Variants in PCNX1 observed in about 807,000 individuals in gnomAD.
PCNX1 encodes pecanex-like protein 1.
Under a neutral mutation model 242.2 loss-of-function variants are expected in PCNX1, and 78 were observed. The ratio of observed to expected loss-of-function variants is 0.32; its 90% CI spans 0.27 to 0.39. PCNX1 has a LOEUF of 0.39. Ranked by LOEUF, PCNX1 falls within the 10% of genes least tolerant of loss-of-function variation. The probability of loss-of-function intolerance (pLI) is 1.00; values close to 1 mark genes in which losing one functional copy is unlikely to be tolerated. For synonymous variants in PCNX1, 1,024 were observed against 1,032.9 expected (o/e 0.99, Z 0.17); for missense variants, 2,581 against 2,856.5 (o/e 0.90, Z 2.20).
In PCNX1 at chr14:71,110,183, A is replaced by G. The variant is rs2062728666; in HGVS notation, c.*248A>G. ...GCCGAGAAAACATTTTGCATGAAGG[A>G]TAAAGTTCTGTTAAAATACATCCTT... On this transcript the variant is annotated 3_prime_UTR_variant, in exon 36 of 36. Coordinates refer to ENST00000304743, the MANE Select transcript of PCNX1 (RefSeq NM_014982.3). 2 of 533,252 alleles carry G rather than the reference A, an allele frequency of 3.8e-6. No individual in the cohort carries two copies. Among genetic ancestry groups the G allele is most frequent in the South Asian group, 3.9e-5 (2 of 51,498 alleles). 33.0% of individuals were successfully genotyped at this position (533,252 alleles called of 1,614,324 possible).
intron 28 of PCNX1, 35 bp downstream of exon 28, chr14:71,076,454 A>T (rs2061721280): frequency 1.4e-6 from 2 of 1,394,570 alleles, no homozygotes; most frequent in South Asian, 2.3e-5. Flanking sequence ...CTTTGAATCC[A>T]GGTTTTTCCA....
At position 71,102,163 on chromosome 14, in the gene PCNX1, C is replaced by A. The variant is rs1184993291; in HGVS notation, c.5763C>A (p.Thr1921=). Residue 1921 remains threonine (T), a synonymous_variant, in exon 31 of 36, where the codon ACC becomes ACA. Transcript: ENST00000304743. ...LALRHVMDDG[T]NEYKIIMLNR... ...TGCGGCATGTCATGGATGATGGCAC[C>A]AATGAATATAAAATCATCATGCTCA... 6.2e-7 allele frequency: 1 copy of A among 1,613,900 alleles called. No individual in the cohort carries two copies. The highest frequency in any genetic ancestry group is 1.3e-5 in the African/African-American group (1 of 74,888).
At chr14:70,972,509 A>C (rs2058570444) in intron 5 of PCNX1, among the ~76,000 whole-genome samples, 1 of 152,144 alleles carries the variant, frequency 6.6e-6, no homozygotes, top group Non-Finnish European at 1.5e-5. Flanking sequence ...CTTGGGGTTT[A>C]TGTGGCCTTT....
chr14:71,057,906 C>T (rs2061226421), intron 26 of PCNX1, among the ~76,000 whole-genome samples, 182 bp downstream of exon 26: 1 of 152,128 alleles, frequency 6.6e-6, no homozygotes, highest in African/African-American at 2.4e-5. Flanking sequence ...CAAGAAGAAT[C>T]ATGTTTGCAA....
At chr14:71,057,976 T>C (rs774562594) in intron 26 of PCNX1, among the ~76,000 whole-genome samples, 2 of 152,208 alleles carry the variant, frequency 1.3e-5, no homozygotes, top group Non-Finnish European at 2.9e-5. Context: ...TTCCTAGATA[T>C]GTTGAATTTC....
At chr14:71,107,588 ACAAGTCTGAAGAATCATATCAAGC>A (rs2062659726) in intron 33 of PCNX1, among the ~76,000 whole-genome samples, 1 of 152,228 alleles carries the variant, frequency 6.6e-6, no homozygotes, top group Non-Finnish European at 1.5e-5. Context: ...CAAGAAAAAG[ACAAGTCTGAAGAATCATATCAAGC>A]CACTTGAAAA....
At chr14:70,975,554 G>A (rs2058666127) in intron 5 of PCNX1, among the ~76,000 whole-genome samples, 1 of 151,910 alleles carries the variant, frequency 6.6e-6, no homozygotes, top group Non-Finnish European at 1.5e-5. Context: ...GTCTGCTTTG[G>A]TCATTGAGAT....
chr14:71,103,634 A>C lies in PCNX1; in HGVS notation c.6060A>C (p.Gly2020=), dbSNP rs1414728088. The C allele has an allele frequency of 6.2e-7, 1 of 1,614,084 alleles. No individual in the cohort carries two copies. Among genetic ancestry groups the C allele is most frequent in the South Asian group, 1.1e-5 (1 of 91,070 alleles). ...KDILGGPISL[G]NIRNFIVSTW... is the part of the protein sequence containing the mutation. The stretch of plus-strand genomic sequence containing the variant: ...TTCTTGGGGGTCCTATCAGCTTGGG[A>C]AATATCAGGAACTTCATAGTGTCAA... Residue 2020 remains glycine, a synonymous_variant, in exon 32 of 36, where the codon GGA becomes GGC. Transcript: ENST00000304743.
intron 6 of PCNX1, 52 bp from the exon 7 acceptor site, chr14:70,988,515 A>G (rs552165348): frequency 2.5e-5 from 40 of 1,587,878 alleles, no homozygotes; most frequent in African/African-American, 8.1e-5. Flanking sequence ...CTCAGCTGCT[A>G]TTTACATCTC....
chr14:71,098,974 A>G (rs1188890958), intron 30 of PCNX1, among the ~76,000 whole-genome samples: 2 of 152,052 alleles, frequency 1.3e-5, no homozygotes, highest in Admixed American at 6.5e-5. Context: ...GGCATGTTGT[A>G]TCTCTGTTTT....
chr14:70,959,499 G>A (rs1018206215), intron 2 of PCNX1, among the ~76,000 whole-genome samples: 4 of 150,532 alleles, frequency 2.7e-5, no homozygotes, highest in East Asian at 1.9e-4. Flanking sequence ...TTGTTCTTGC[G>A]ATAGTTTACT....
chr14:71,093,171 T>A (rs780409596), intron 30 of PCNX1: 3 of 152,076 alleles, frequency 2.0e-5, no homozygotes, highest in Non-Finnish European at 4.4e-5. Context: ...ATTACACCAT[T>A]GAAGATGCCC....
chr14:71,097,651 T>C (rs1306125475), intron 30 of PCNX1, among the ~76,000 whole-genome samples: 1 of 152,206 alleles, frequency 6.6e-6, no homozygotes, highest in Non-Finnish European at 1.5e-5. Context: ...TTTTTGCTTA[T>C]TGAATTAAGT....
chr14:70,929,133 T>G (rs913821727), intron 1 of PCNX1, among the ~76,000 whole-genome samples: 15 of 152,224 alleles, frequency 9.9e-5, no homozygotes, highest in African/African-American at 3.6e-4. Context: ...AGGAATTGTT[T>G]GGATACCCTT....
At chr14:70,932,761 C>T (rs1337544058) in intron 1 of PCNX1, among the ~76,000 whole-genome samples, 4 of 151,954 alleles carry the variant, frequency 2.6e-5, no homozygotes, top group South Asian at 2.1e-4. Context: ...TACAGTCATG[C>T]GCCACCATGC....
chr14:71,086,680 C>G (rs565698254), intron 28 of PCNX1, among the ~76,000 whole-genome samples: 18 of 152,180 alleles, frequency 1.2e-4, no homozygotes, highest in African/African-American at 4.3e-4. Flanking sequence ...GTGCTGTTGC[C>G]GTAGATCTCC....
chr14:71,083,557 C>T (rs1056594949), intron 28 of PCNX1, among the ~76,000 whole-genome samples: 5 of 152,034 alleles, frequency 3.3e-5, no homozygotes, highest in African/African-American at 1.2e-4. Flanking sequence ...CCTTTTCATT[C>T]TTTTTTCTCT....
At chr14:70,953,553 A>T (rs1484481440) in intron 2 of PCNX1, among the ~76,000 whole-genome samples, 3 of 149,732 alleles carry the variant, frequency 2.0e-5, no homozygotes, top group African/African-American at 7.4e-5. Flanking sequence ...GTGGCTTGTC[A>T]TTTTGCTTTC....
chr14:71,039,410 C>T (rs1013381749), intron 19 of PCNX1, among the ~76,000 whole-genome samples: 2 of 152,086 alleles, frequency 1.3e-5, no homozygotes, highest in Non-Finnish European at 1.5e-5. Flanking sequence ...GACCTCAGTT[C>T]CCCTCCATGT....
Sources: gnomAD v4.1 joint callset for allele counts (sites outside exome capture counted in the v4.1 genomes callset) on GRCh38, gnomAD v4.1.1 for gene constraint, MANE v1.5 for transcripts, NCBI Gene and HGNC (gene_info 2026-07-23, HGNC 2026-07-21) for gene names.